SPAG9: variants seen among roughly 807,000 people sequenced by gnomAD.
The protein encoded by SPAG9 is C-Jun-amino-terminal kinase-interacting protein 4.
In SPAG9, 35 loss-of-function variants were observed where a neutral mutation model predicts 166.5. The observed-to-expected ratio is 0.21, with a 90% CI of 0.16 to 0.28. The LOEUF (loss-of-function observed/expected upper bound fraction) is 0.28. SPAG9 is among the 10% of genes least tolerant of loss of function. The pLI, the probability that SPAG9 is intolerant of heterozygous loss-of-function variation, is 1.00. For synonymous variants in SPAG9, 534 were observed against 565.5 expected (o/e 0.94, Z 0.79); for missense variants, 1,235 against 1,603.3 (o/e 0.77, Z 3.92).
intron 2 of SPAG9, among the ~76,000 whole-genome samples, chr17:51,064,409 G>A (rs1468221480): frequency 6.6e-6 from 1 of 152,176 alleles, no homozygotes; most frequent in East Asian, 1.9e-4. Context: ...TATTACTACA[G>A]ACTTTCAGAT....
chr17:51,024,610 G>C (rs1356715292), intron 6 of SPAG9, among the ~76,000 whole-genome samples: 1 of 151,520 alleles, frequency 6.6e-6, no homozygotes, highest in Non-Finnish European at 1.5e-5. Flanking sequence ...CTATTAGCGA[G>C]GCTGAGGCAG....
rs759297818 is a variant in SPAG9 at position 50,998,608 on chromosome 17, T to A, written c.1674A>T (p.Arg558=). Residue 558 remains arginine, a synonymous_variant, in exon 15 of 30, where the codon CGA becomes CGT. Coordinates refer to ENST00000262013, the MANE Select transcript of SPAG9 (RefSeq NM_001130528.3). ...KRSSIWQFFS[R]LFSSSSNTTK... is the part of the protein sequence containing the mutation. The stretch of plus-strand genomic sequence containing the variant: ...TCGTGTTACTTGAGGAGCTGAAAAG[T>A]CGGCTGAAACTAAAAGAAGACAGTA... 1.2e-6 allele frequency: 2 copies of A among 1,614,068 alleles called. No homozygotes were observed. Among genetic ancestry groups the A allele is most frequent in the Non-Finnish European group, 1.7e-6 (2 of 1,179,964 alleles).
rs1237840158 is a variant in SPAG9, at chr17:50,982,648, T to C, written c.3113A>G (p.Tyr1038Cys). The change falls in exon 25 of 30, where the codon TAT becomes TGT. Residue 1038 changes from tyrosine to cysteine, a missense_variant. Tyr to Cys is a radical substitution (Grantham distance 194). Coordinates refer to ENST00000262013, the MANE Select transcript of SPAG9 (RefSeq NM_001130528.3). ...AGGCCGTCCAAGGTCTAAGAGGTGA[T>C]AGTTTGACAAATCCCACTGCCCATC... ...GVDGQWDLSN[Y>C]HLLDLGRPHH... 1.2e-6 allele frequency: 2 copies of C among 1,610,914 alleles called. No homozygotes were observed. The highest frequency in any genetic ancestry group is 2.2e-5 in the East Asian group (1 of 44,876).
intron 1 of SPAG9, among the ~76,000 whole-genome samples, chr17:51,093,797 G>A (rs1231895470): frequency 6.6e-6 from 1 of 151,866 alleles, no homozygotes; most frequent in African/African-American, 2.4e-5. Flanking sequence ...GAAAACAGGA[G>A]GGTTGAGTGG....
At chr17:51,078,753 G>C (rs1038489555) in intron 2 of SPAG9, among the ~76,000 whole-genome samples, 14 of 151,452 alleles carry the variant, frequency 9.2e-5, no homozygotes, top group African/African-American at 2.2e-4. Flanking sequence ...TCTGAAAAAT[G>C]AAGTTCTATT....
chr17:51,076,982 T>TTATCTAGCTATCTAGCTATC (rs2047988687), intron 2 of SPAG9, among the ~76,000 whole-genome samples: 1 of 99,414 alleles, frequency 1.0e-5, no homozygotes, highest in South Asian at 3.1e-4. Flanking sequence ...TCTATCTATC[T>TTATCTAGCTATCTAGCTATC]TATCTAGCTA....
intron 2 of SPAG9, among the ~76,000 whole-genome samples, chr17:51,070,432 CT>C (rs2047792419): frequency 6.6e-6 from 1 of 152,116 alleles, no homozygotes; most frequent in Non-Finnish European, 1.5e-5. Flanking sequence ...CCAAAAAGCA[CT>C]AAAATTCTTT....
At chr17:51,095,896 C>CAGTGATATATATAGTGATATATATAT (rs1568083540) in intron 1 of SPAG9, among the ~76,000 whole-genome samples, 3 of 135,264 alleles carry the variant, frequency 2.2e-5, no homozygotes, top group African/African-American at 8.4e-5. Flanking sequence ...GTGATATATA[C>CAGTGATATATATAGTGATATATATAT]AGTGATATAT....
At chr17:51,069,688 C>T (rs189868257) in intron 2 of SPAG9, among the ~76,000 whole-genome samples, 9 of 152,070 alleles carry the variant, frequency 5.9e-5, no homozygotes, top group African/African-American at 2.2e-4. Context: ...TAGTGGAGTG[C>T]TTATTCTTAT....
intron 1 of SPAG9, among the ~76,000 whole-genome samples, chr17:51,103,771 T>C (rs1446990647): frequency 6.6e-6 from 1 of 152,170 alleles, no homozygotes; most frequent in East Asian, 1.9e-4. Context: ...CAGATTTCCA[T>C]TTTGGAGAGA....
intron 6 of SPAG9, among the ~76,000 whole-genome samples, chr17:51,030,231 G>A (rs1387526363): frequency 6.6e-6 from 1 of 152,072 alleles, no homozygotes; most frequent in Admixed American, 6.6e-5. Flanking sequence ...TATAAACTAT[G>A]TTTACAACTA....
intron 5 of SPAG9, among the ~76,000 whole-genome samples, chr17:51,033,202 T>G (rs2046452039): frequency 6.6e-6 from 1 of 151,792 alleles, no homozygotes; most frequent in Non-Finnish European, 1.5e-5. Flanking sequence ...GATCTTTGAT[T>G]CTAGATTCTC....
intron 2 of SPAG9, among the ~76,000 whole-genome samples, chr17:51,073,447 C>G (rs1420597437): frequency 1.3e-5 from 2 of 151,906 alleles, no homozygotes; most frequent in Non-Finnish European, 2.9e-5. Flanking sequence ...ATGATCACAC[C>G]ACTGCATTCC....
intron 8 of SPAG9, among the ~76,000 whole-genome samples, chr17:51,016,784 A>G (rs1234835904): frequency 6.6e-6 from 1 of 152,194 alleles, no homozygotes; most frequent in East Asian, 1.9e-4. Flanking sequence ...TCACGCCTGT[A>G]ATCCCAATTA....
intron 18 of SPAG9, 100 bp downstream of exon 18, chr17:50,994,957 A>G (rs1350233245): frequency 7.6e-6 from 6 of 792,824 alleles, no homozygotes; most frequent in African/African-American, 1.7e-5. Flanking sequence ...GCCAGGGCAT[A>G]GTAATCCCAA....
intron 19 of SPAG9, among the ~76,000 whole-genome samples, chr17:50,991,654 A>G (rs1027344471): frequency 2.0e-5 from 3 of 149,438 alleles, no homozygotes; most frequent in African/African-American, 7.4e-5. Flanking sequence ...ACAGAGTTTC[A>G]CTCTTGTTGC....
At chr17:51,001,912 T>A in intron 12 of SPAG9, 67 bp from the exon 13 acceptor site, 1 of 1,434,776 alleles carries the variant, frequency 7.0e-7, no homozygotes. Context: ...CATCTCAGAG[T>A]TATGCAAAAT....
At position 51,077,105 on chromosome 17, in the gene SPAG9, GCTAT is replaced by G. The variant is rs1459645815; in HGVS notation, c.424+2475_424+2478del. 7.5e-4 allele frequency among the ~76,000 whole-genome samples: 94 copies of G among 125,514 alleles called. 1 individual carries two copies. The highest frequency in any genetic ancestry group is 6.5e-3 in the East Asian group (30 of 4,592). The allele number at this position is 125,514 out of a possible 152,430, so 82.3% of individuals were successfully genotyped here. A position where few individuals can be genotyped will look rare whatever the true frequency, so the allele number is the denominator to read the frequency against. On this transcript the variant is annotated intron_variant, in intron 2 of 29. Transcript: ENST00000262013. ...ATCTAGCTAGCTATCTATCTAGCTA[GCTAT>G]CTAGCTATCTAGCTAGCTATCTATC...
At chr17:51,031,800 T>C in intron 5 of SPAG9, 78 bp from the exon 6 acceptor site, 1 of 997,150 alleles carries the variant, frequency 1.0e-6, no homozygotes, top group Non-Finnish European at 1.6e-6. Context: ...CTTTGGCTTG[T>C]ACTATCTCCC....
Sources: gnomAD v4.1 joint callset for allele counts (sites outside exome capture counted in the v4.1 genomes callset) on GRCh38, gnomAD v4.1.1 for gene constraint, MANE v1.5 for transcripts, NCBI Gene and HGNC (gene_info 2026-07-23, HGNC 2026-07-21) for gene names.